Variants in ATG3 observed in about 807,000 individuals in gnomAD.
ATG3 encodes the protein ubiquitin-like-conjugating enzyme ATG3.
Under a neutral mutation model 50.7 loss-of-function variants are expected in ATG3, and 25 were observed. That is an observed-to-expected ratio of 0.49 (90% CI 0.36 to 0.69). The LOEUF (loss-of-function observed/expected upper bound fraction) is 0.69, where lower values mean the gene tolerates loss of function less well. Ranked by LOEUF, ATG3 falls within the 30% of genes least tolerant of loss-of-function variation. ATG3 has a pLI of 0.00. For missense variants in ATG3, 281 were observed against 376.0 expected (o/e 0.75, Z 2.09); for synonymous variants, 119 against 125.5 (o/e 0.95, Z 0.34).
chr3:112,532,615 A>G lies in ATG3; in HGVS notation c.*84T>C, dbSNP rs2082563950. 9.7e-7 allele frequency: 1 copy of G among 1,025,720 alleles called. No homozygotes were observed. The highest frequency in any genetic ancestry group is 2.2e-4 in the Middle Eastern group (1 of 4,524). 63.5% of individuals were successfully genotyped at this position (1,025,720 alleles called of 1,614,324 possible). A position where few individuals can be genotyped will look rare whatever the true frequency, so the allele number is the denominator to read the frequency against. ...CTTATTAGAGAAACTGTATATATTGATGAATATGGTCAATGGTCACATCTA... is the reference window on the plus strand; with the variant it reads ...CTTATTAGAGAAACTGTATATATTGGTGAATATGGTCAATGGTCACATCTA... On this transcript the variant is annotated 3_prime_UTR_variant, in exon 12 of 12. Transcript: ENST00000283290.
At chr3:112,536,432 T>C (rs755044432) in intron 10 of ATG3, 43 bp downstream of exon 10, 9 of 1,597,848 alleles carry the variant, frequency 5.6e-6, no homozygotes, top group Middle Eastern at 3.3e-4. Flanking sequence ...CCATGAAATA[T>C]ACAATCACAT....
At chr3:112,533,277 AT>A (rs1175026711) in intron 11 of ATG3, 2 of 984,798 alleles carry the variant, frequency 2.0e-6, no homozygotes, top group South Asian at 9.4e-5. Flanking sequence ...AAATTCTGAA[AT>A]TTTTTTATGT....
chr3:112,534,845 G>T (rs1394333370), intron 10 of ATG3: 1 of 151,472 alleles, frequency 6.6e-6, no homozygotes, highest in African/African-American at 2.4e-5. Flanking sequence ...ATAATCTTGT[G>T]ATCTGGGCTG....
Position 112,553,322 on chromosome 3 carries a change from G to C in ATG3, c.122C>G (p.Ala41Gly). 1.2e-6 allele frequency: 2 copies of C among 1,611,364 alleles called. No homozygotes were observed. The highest frequency in any genetic ancestry group is 1.7e-6 in the Non-Finnish European group (2 of 1,177,660). The change falls in exon 3 of 12, where the codon GCA becomes GGA. Residue 41 changes from alanine (A) to glycine (G), a missense_variant. By Grantham distance (60) the Ala-to-Gly change is moderately conservative. Around this residue, in one of 3 missense-constraint regions of ATG3, gnomAD observed 17 missense variants for 48.2 expected, o/e 0.35. Transcript: ENST00000283290. ...TGVITPEEFV[A>G]AGDHLVHHCP... ...GTGGTGGACTAGGTGATCTCCAGCT[G>C]CCACAAACTATTCAGGATTTAAAAG...
chr3:112,553,276 T>C lies in ATG3; in HGVS notation c.164+4A>G, dbSNP rs1229855949. The C allele has an allele frequency of 6.2e-7, 1 of 1,604,236 alleles. No homozygotes were observed. The highest frequency in any genetic ancestry group is 8.5e-7 in the Non-Finnish European group (1 of 1,171,212). ...TTTTCTATTCTTTACTCAATATTACTTACCATTGCCATGTTGGACAGTGGT... is the reference window on the plus strand; with the variant it reads ...TTTTCTATTCTTTACTCAATATTACCTACCATTGCCATGTTGGACAGTGGT... On this transcript the variant is annotated splice_donor_region_variant and intron_variant, in intron 3 of 11. Coordinates refer to ENST00000283290, the MANE Select transcript of ATG3 (RefSeq NM_022488.5).
rs575158543 is a variant in ATG3, at chr3:112,537,230, T to C, written c.666+505A>G. Among the ~76,000 whole-genome samples the C allele has an allele frequency of 2.0e-5, 3 of 152,302 alleles. No homozygotes were observed. In the South Asian group the frequency reaches 6.2e-4, roughly 32 times the overall value. On this transcript the variant is annotated intron_variant, in intron 9 of 11. Transcript: ENST00000283290. ...TAACTTTGTGGCTCATCTTTTAGAC[T>C]GACTTTATTTTCTTGTTTCCCATGT...
At chr3:112,542,690 AG>A (rs1933263920) in intron 6 of ATG3, among the ~76,000 whole-genome samples, 1 of 152,108 alleles carries the variant, frequency 6.6e-6, no homozygotes, top group South Asian at 2.1e-4. Flanking sequence ...TTAATCATTA[AG>A]AAAAAGTTTC....
chr3:112,549,642 C>G (rs1224939963), intron 4 of ATG3, among the ~76,000 whole-genome samples: 2 of 151,996 alleles, frequency 1.3e-5, no homozygotes, highest in Non-Finnish European at 2.9e-5. Context: ...AACCCTGTCT[C>G]TACTAAAAAT....
At chr3:112,554,283 A>G (rs1464177980) in intron 2 of ATG3, among the ~76,000 whole-genome samples, 1 of 152,216 alleles carries the variant, frequency 6.6e-6, no homozygotes, top group Non-Finnish European at 1.5e-5. Context: ...GCAACTGAAG[A>G]TCCACAAAAG....
At chr3:112,538,702 C>G (rs760075759) in intron 7 of ATG3, among the ~76,000 whole-genome samples, 9 of 152,194 alleles carry the variant, frequency 5.9e-5, no homozygotes, top group Non-Finnish European at 1.3e-4. Flanking sequence ...CTGCAGTAAC[C>G]AAGGGCTCAG....
chr3:112,561,338 G>C (rs1933867273), intron 1 of ATG3, 119 bp downstream of exon 1: 6 of 1,020,780 alleles, frequency 5.9e-6, no homozygotes, highest in Non-Finnish European at 6.0e-6. Context: ...CCTGTGTCTC[G>C]AGCCCTACTG....
At chr3:112,542,075 C>T (rs896481451) in intron 6 of ATG3, among the ~76,000 whole-genome samples, 191 bp from the exon 7 acceptor site, 2 of 152,238 alleles carry the variant, frequency 1.3e-5, no homozygotes, top group South Asian at 4.1e-4. Flanking sequence ...GTGCTAAGTG[C>T]TGTGACTGAA....
rs569374853 is a variant in ATG3, at chr3:112,561,448, C to T, written c.72+9G>A. On this transcript the variant is annotated intron_variant, in intron 1 of 11. Transcript: ENST00000283290. ...CCTGACAGCTCCCGGCAACCCTGGCCTGGCTTACCTTGAGGACCGGGGTCA... is the reference window on the plus strand; with the variant it reads ...CCTGACAGCTCCCGGCAACCCTGGCTTGGCTTACCTTGAGGACCGGGGTCA... 6.2e-7 allele frequency: 1 copy of T among 1,612,922 alleles called. No individual in the cohort carries two copies.
At chr3:112,544,388 G>C (rs1271336071) in intron 5 of ATG3, among the ~76,000 whole-genome samples, 3 of 152,136 alleles carry the variant, frequency 2.0e-5, no homozygotes, top group African/African-American at 4.8e-5. Context: ...AGGTGCGGTG[G>C]ATCACGCCTG....
chr3:112,560,052 CT>C (rs1933805729), intron 1 of ATG3, among the ~76,000 whole-genome samples: 1 of 152,200 alleles, frequency 6.6e-6, no homozygotes, highest in African/African-American at 2.4e-5. Flanking sequence ...ACCATACATA[CT>C]GACATGCCAA....
At chr3:112,558,534 A>G (rs1254331341) in intron 1 of ATG3, 117 bp from the exon 2 acceptor site, 1 of 759,622 alleles carries the variant, frequency 1.3e-6, no homozygotes, top group Non-Finnish European at 2.3e-6. Context: ...TACAAAAAAA[A>G]ATTAGTCTAT....
chr3:112,549,307 A>AT (rs141036983), intron 4 of ATG3, among the ~76,000 whole-genome samples: 23,241 of 152,072 alleles, frequency 0.15, 4,111 homozygotes, highest in African/African-American at 0.43. Flanking sequence ...TAATCTCCTG[A>AT]TTTTTTTAAA....
intron 11 of ATG3, 81 bp from the exon 12 acceptor site, chr3:112,532,861 A>G: frequency 7.2e-7 from 1 of 1,383,630 alleles, no homozygotes; most frequent in East Asian, 2.6e-5. Context: ...CCATTTTATT[A>G]AGCCATTAAT....
At chr3:112,532,900 A>G (rs1576710487) in intron 11 of ATG3, 120 bp from the exon 12 acceptor site, 1 of 1,317,268 alleles carries the variant, frequency 7.6e-7, no homozygotes, top group East Asian at 3.0e-5. Context: ...AAAATCTTAA[A>G]TTAAGTCTAT....
Sources: gnomAD v4.1 joint callset for allele counts (sites outside exome capture counted in the v4.1 genomes callset) on GRCh38, gnomAD v4.1.1 for gene constraint, gnomAD v4.1.1 regional missense constraint, MANE v1.5 for transcripts, NCBI Gene and HGNC (gene_info 2026-07-23, HGNC 2026-07-21) for gene names.